Variants in MYO9B observed in about 807,000 individuals in gnomAD.
MYO9B encodes myosin IXB, also known as unconventional myosin-IXb.
Under a neutral mutation model 229.5 loss-of-function variants are expected in MYO9B, and 71 were observed. The observed-to-expected ratio is 0.31, with a 90% CI of 0.26 to 0.38. MYO9B has a LOEUF of 0.38. MYO9B is among the 10% of genes least tolerant of loss of function. The pLI is 1.00. For synonymous variants in MYO9B, 1,185 were observed against 1,235.8 expected (o/e 0.96, Z 0.86); for missense variants, 2,255 against 2,920.5 (o/e 0.77, Z 5.25).
chr19:17,120,690 A>G (rs553850217), intron 2 of MYO9B, among the ~76,000 whole-genome samples: 9 of 151,254 alleles, frequency 6.0e-5, no homozygotes, highest in African/African-American at 2.2e-4. Flanking sequence ...CTAAATGTAT[A>G]TCTCCTTTAT....
chr19:17,181,372 G>A (rs996698911), intron 15 of MYO9B, among the ~76,000 whole-genome samples: 2 of 152,198 alleles, frequency 1.3e-5, no homozygotes, highest in Non-Finnish European at 2.9e-5. Context: ...GCTTGCTCCC[G>A]CCTTTGCCAC....
intron 2 of MYO9B, among the ~76,000 whole-genome samples, chr19:17,141,594 C>T (rs902500386): frequency 3.3e-5 from 5 of 152,184 alleles, no homozygotes; most frequent in African/African-American, 9.7e-5. Context: ...AGAGCCCCCA[C>T]CTTCCGCCAG....
At chr19:17,105,541 A>G (rs895087274) in intron 2 of MYO9B, among the ~76,000 whole-genome samples, 1 of 152,010 alleles carries the variant, frequency 6.6e-6, no homozygotes, top group Non-Finnish European at 1.5e-5. Flanking sequence ...TCGTGGCTTG[A>G]GAGCTCATTT....
In MYO9B at chr19:17,122,337, G is replaced by A. The variant is rs141399383; in HGVS notation, c.840+19780G>A. Among the ~76,000 whole-genome samples, 200 of 152,142 alleles carry A rather than the reference G, an allele frequency of 1.3e-3. 2 individuals carry two copies. The highest frequency in any genetic ancestry group is 4.6e-3 in the African/African-American group (192 of 41,516). ...GCAGATCACCTGAGGTCAGGAGTTC[G>A]AGACCAGCCTGGTTAACATGGTGAA... is the stretch of plus-strand genomic sequence containing the variant. On this transcript the variant is annotated intron_variant, in intron 2 of 39. Transcript: ENST00000682292.
chr19:17,077,525 A>G (rs957782592), intron 1 of MYO9B, among the ~76,000 whole-genome samples: 1 of 152,144 alleles, frequency 6.6e-6, no homozygotes, highest in Non-Finnish European at 1.5e-5. Context: ...CAGCCCTGCA[A>G]TCGCCTCTTC....
rs764181265 is a variant in MYO9B at position 17,211,747 on chromosome 19, G to A, written c.6031G>A (p.Glu2011Lys). Residue 2011 changes from glutamate to lysine, a missense_variant, in exon 39 of 40, where the codon GAG becomes AAG. This residue lies in a region of MYO9B where 331 missense variants were observed against 332.5 expected (regional missense o/e 1.00). Coordinates refer to ENST00000682292, the MANE Select transcript of MYO9B (RefSeq NM_004145.4). ...GGCCAGCACCGAGAGCCTGCTGGAGGAGCGGGCCGGGCGGGGGGCCTCGGA... is the reference window on the plus strand; with the variant it reads ...GGCCAGCACCGAGAGCCTGCTGGAGAAGCGGGCCGGGCGGGGGGCCTCGGA... Reference protein sequence around the residue: ...TSASTESLLEERAGRGASEGP... With the variant: ...TSASTESLLEKRAGRGASEGP... The A allele has an allele frequency of 6.2e-7, 1 of 1,613,120 alleles. No individual in the cohort carries two copies. Among genetic ancestry groups the A allele is most frequent in the East Asian group, 2.2e-5 (1 of 44,846 alleles).
In MYO9B at chr19:17,146,383, A is replaced by T. The variant is rs571827199; in HGVS notation, c.935+892A>T. On this transcript the variant is annotated intron_variant, in intron 3 of 39. Coordinates refer to ENST00000682292, the MANE Select transcript of MYO9B (RefSeq NM_004145.4). The stretch of plus-strand genomic sequence containing the variant: ...AATGAATGGGTGGATGGATAGATTC[A>T]TGGATGGATGGATGGATGGATGGGT... Among the ~76,000 whole-genome samples the T allele has an allele frequency of 3.3e-5, 5 of 150,970 alleles. No individual in the cohort carries two copies. The South Asian group carries it at 1.1e-3, about 32-fold the overall frequency.
chr19:17,098,505 G>A (rs944499999), intron 1 of MYO9B, among the ~76,000 whole-genome samples: 1 of 152,150 alleles, frequency 6.6e-6, no homozygotes, highest in Non-Finnish European at 1.5e-5. Flanking sequence ...CTGGCTTTGG[G>A]CCTCATCTTC....
Position 17,172,534 on chromosome 19 carries a change from G to A in MYO9B, c.1935+57G>A. On this transcript the variant is annotated intron_variant, in intron 12 of 39. Transcript: ENST00000682292. This position sits in a 1 kb window ranked among gnomAD's most constrained non-coding sequence, Gnocchi z 8.2. ...CCTGAGGGAAGCCACAGTCAGCCCA[G>A]AAGCCCATGTGGGAGGATCCTCCTG... The A allele has an allele frequency of 6.3e-7, 1 of 1,598,606 alleles. No individual in the cohort carries two copies. The highest frequency in any genetic ancestry group is 8.5e-7 in the Non-Finnish European group (1 of 1,172,480).
intron 3 of MYO9B, among the ~76,000 whole-genome samples, chr19:17,151,452 G>A (rs2072476386): frequency 6.6e-6 from 1 of 152,112 alleles, no homozygotes; most frequent in Non-Finnish European, 1.5e-5. Flanking sequence ...AACCAGCAAA[G>A]GACTTGCATC....
At chr19:17,131,361 C>T (rs924773565) in intron 2 of MYO9B, among the ~76,000 whole-genome samples, 2 of 152,222 alleles carry the variant, frequency 1.3e-5, no homozygotes, top group Admixed American at 6.5e-5. Context: ...CGCTGCCTCC[C>T]GCATTCAAGC....
Position 17,156,914 on chromosome 19 carries a change from T to C in MYO9B, c.1205T>C (p.Phe402Ser). 2 of 1,611,622 alleles carry C rather than the reference T, an allele frequency of 1.2e-6. No individual in the cohort carries two copies. Among genetic ancestry groups the C allele is most frequent in the African/African-American group, 1.3e-5 (1 of 74,914 alleles). ...GFLPATKKQIFAVLSAILYLG... is the reference protein window; with the variant it reads ...GFLPATKKQISAVLSAILYLG... ...GAGTGCCTTTTCTTTCCCAGGATTTTTGCCGTCCTCTCGGCCATCCTGTAC... is the reference window on the plus strand; with the variant it reads ...GAGTGCCTTTTCTTTCCCAGGATTTCTGCCGTCCTCTCGGCCATCCTGTAC... The change falls in exon 7 of 40, where the codon TTT (phenylalanine) becomes TCT (serine). Residue 402 changes from phenylalanine (F) to serine (S), a missense_variant. This residue lies in a region of MYO9B where 220 missense variants were observed against 404.5 expected (regional missense o/e 0.54). Transcript: ENST00000682292.
At chr19:17,210,654 C>A in intron 37 of MYO9B, 61 bp from the exon 38 acceptor site, 3 of 1,481,740 alleles carry the variant, frequency 2.0e-6, no homozygotes, top group Non-Finnish European at 1.8e-6. Context: ...CTGCTCACAC[C>A]TCCGGCAGTA....
Position 17,210,226 on chromosome 19 carries a change from G to A in MYO9B, c.5749-107G>A. The A allele has an allele frequency of 4.2e-6, 5 of 1,182,594 alleles. No homozygotes were observed. In the South Asian group the frequency reaches 8.4e-5, roughly 20 times the overall value. The allele number at this position is 1,182,594 out of a possible 1,614,324, so 73.3% of individuals were successfully genotyped here. A position where few individuals can be genotyped will look rare whatever the true frequency, so the allele number is the denominator to read the frequency against. ...TGGGGAACGGGCTCTGGGCTCCTGT[G>A]GGAACCAGGGACCCCCTATCTTGGT... On this transcript the variant is annotated intron_variant, in intron 36 of 39. Transcript: ENST00000682292.
chr19:17,165,359 C>CAA (rs879937918), intron 10 of MYO9B, among the ~76,000 whole-genome samples: 1 of 128,644 alleles, frequency 7.8e-6, no homozygotes. Context: ...GACCCTGTCT[C>CAA]AAAAAAAAAA....
intron 27 of MYO9B, 43 bp from the exon 28 acceptor site, chr19:17,202,087 C>T (rs1379380996): frequency 1.2e-6 from 2 of 1,612,338 alleles, no homozygotes; most frequent in Middle Eastern, 1.7e-4. Context: ...TTCCCATCCG[C>T]CCCTTGCCCA....
intron 13 of MYO9B, 89 bp downstream of exon 13, chr19:17,173,052 A>T: frequency 7.0e-7 from 1 of 1,422,522 alleles, no homozygotes; most frequent in Non-Finnish European, 9.6e-7. Context: ...CTTCAGTGGC[A>T]TTTAGTACAT....
intron 11 of MYO9B, among the ~76,000 whole-genome samples, chr19:17,170,156 C>T (rs2072707109): frequency 6.6e-6 from 1 of 151,992 alleles, no homozygotes; most frequent in African/African-American, 2.4e-5. Context: ...CTTGACCTCC[C>T]AAAGTGCTGG....
Position 17,210,701 on chromosome 19 carries a change from C to A in MYO9B, c.5797-14C>A. On this transcript the variant is annotated splice_polypyrimidine_tract_variant and intron_variant, in intron 37 of 39. Transcript: ENST00000682292. ...TCAGAGATGTCAGTGGGACCCCTTG[C>A]TTCTTTGTTTCAGAACAAGAGCCCC... 1 of 1,528,244 alleles carries A rather than the reference C, an allele frequency of 6.5e-7. No homozygotes were observed. 94.7% of individuals were successfully genotyped at this position (1,528,244 alleles called of 1,614,324 possible). A position where few individuals can be genotyped will look rare whatever the true frequency, so the allele number is the denominator to read the frequency against.
Sources: gnomAD v4.1 joint callset for allele counts (sites outside exome capture counted in the v4.1 genomes callset) on GRCh38, gnomAD v4.1.1 for gene constraint, gnomAD v4.1.1 regional missense constraint, Gnocchi (gnomAD v3.1) non-coding constraint, MANE v1.5 for transcripts, NCBI Gene and HGNC (gene_info 2026-07-23, HGNC 2026-07-21) for gene names.